The following TUB variants were observed in gnomAD, a reference collection of about 807,000 sequenced individuals.
TUB encodes TUB bipartite transcription factor, also known as tubby protein homolog.
A neutral mutation model predicts 59.7 loss-of-function variants in TUB; 33 were observed. The ratio of observed to expected loss-of-function variants is 0.55; its 90% CI spans 0.42 to 0.74. The LOEUF (loss-of-function observed/expected upper bound fraction) is 0.74. TUB is among the 30% of genes least tolerant of loss of function. The pLI is 0.00. For synonymous variants in TUB, 293 were observed against 256.4 expected (o/e 1.14, Z -1.36); for missense variants, 659 against 672.0 (o/e 0.98, Z 0.21).
At chr11:8,035,367 A>G (rs1217139429), upstream of TUB, 1 of 152,190 alleles carries the variant, frequency 6.6e-6, no homozygotes, top group Non-Finnish European at 1.5e-5. Context: ...TTTTTGGCAA[A>G]TCTTTAAATT....
At chr11:8,034,505 G>A (rs1360349911), upstream of TUB, among the ~76,000 whole-genome samples, 2 of 152,202 alleles carry the variant, frequency 1.3e-5, no homozygotes, top group Non-Finnish European at 2.9e-5. Context: ...TGACATGCAG[G>A]TGCGATTTCC....
chr11:8,083,708 C>T (rs1943613793), intron 1 of TUB, among the ~76,000 whole-genome samples: 1 of 152,174 alleles, frequency 6.6e-6, no homozygotes, highest in South Asian at 2.1e-4. Flanking sequence ...CGTCTCAACA[C>T]CCTTATAGCC....
At chr11:8,027,071 C>T (rs1942509544) in intron 1 of TUB, among the ~76,000 whole-genome samples, 2 of 151,998 alleles carry the variant, frequency 1.3e-5, no homozygotes, top group Non-Finnish European at 2.9e-5. Context: ...TTTTTCATTC[C>T]TAGTGTATAG....
intron 2 of TUB, among the ~76,000 whole-genome samples, chr11:8,065,737 T>A (rs1943227281): frequency 6.6e-6 from 1 of 152,126 alleles, no homozygotes; most frequent in Non-Finnish European, 1.5e-5. Flanking sequence ...CAGCTCTGCT[T>A]CAGGGTTTAT....
chr11:8,053,315 A>G (rs1406535684), intron 2 of TUB, among the ~76,000 whole-genome samples: 1 of 152,174 alleles, frequency 6.6e-6, no homozygotes, highest in Non-Finnish European at 1.5e-5. Context: ...AGAATGCTAA[A>G]TATATTTTTA....
chr11:8,060,701 C>A (rs886715310), intron 2 of TUB, among the ~76,000 whole-genome samples: 3 of 152,168 alleles, frequency 2.0e-5, no homozygotes, highest in Admixed American at 2.0e-4. Context: ...GAGCCACTTG[C>A]ATTTATGTTT....
intron 2 of TUB, among the ~76,000 whole-genome samples, chr11:8,054,444 T>TGGAGAG (rs1389919695): frequency 1.8e-4 from 28 of 151,602 alleles, no homozygotes; most frequent in Middle Eastern, 3.4e-3. Context: ...GGGCAAGGGC[T>TGGAGAG]GGAGAGAGAG....
chr11:8,037,697 T>C (rs142713991), upstream of TUB, among the ~76,000 whole-genome samples: 12 of 152,222 alleles, frequency 7.9e-5, no homozygotes, highest in East Asian at 2.3e-3. Flanking sequence ...GGTGATGTTG[T>C]CATTAGGAGT....
chr11:8,034,410 T>C (rs1487312698), upstream of TUB, among the ~76,000 whole-genome samples: 1 of 152,120 alleles, frequency 6.6e-6, no homozygotes, highest in East Asian at 1.9e-4. Context: ...GCCCATTGTG[T>C]TGGCAGAGTC....
upstream of TUB, among the ~76,000 whole-genome samples, chr11:8,037,990 G>A (rs996740372): frequency 1.3e-5 from 2 of 152,184 alleles, no homozygotes; most frequent in African/African-American, 2.4e-5. Context: ...ATAGAATTGA[G>A]AGATGCTCAG....
intron 2 of TUB, chr11:8,039,757 G>C (rs978865877): frequency 5.8e-6 from 8 of 1,378,942 alleles, no homozygotes; most frequent in Admixed American, 3.0e-5. Context: ...GACTGTGAGG[G>C]AGGTGGGCGG....
chr11:8,062,516 CGTGTGT>C (rs34497745), intron 2 of TUB, among the ~76,000 whole-genome samples: 41 of 149,632 alleles, frequency 2.7e-4, no homozygotes, highest in Non-Finnish European at 3.6e-4. Flanking sequence ...GGTTTGTGTG[CGTGTGT>C]GTGTGTGTGT....
At chr11:8,079,647 CATGT>C (rs1324743759), upstream of TUB, among the ~76,000 whole-genome samples, 1 of 146,130 alleles carries the variant, frequency 6.8e-6, no homozygotes, top group African/African-American at 2.5e-5. Context: ...AGAGAGAGGC[CATGT>C]GTGTGTGCAT....
At chr11:8,019,465 A>G in intron 1 of TUB, 3 of 1,158,756 alleles carry the variant, frequency 2.6e-6, no homozygotes, top group Non-Finnish European at 2.2e-6. Context: ...CCCGACCCCC[A>G]GGGTGGGCTT....
Position 8,081,211 on chromosome 11 carries a change from A to T in TUB, c.-300A>T, listed in dbSNP as rs940891258. On this transcript the variant is annotated 5_prime_UTR_variant, in exon 1 of 12. Transcript: ENST00000299506. ...GGGCAGGCCGCCGCTGCCACGCAGT[A>T]CTCCCGCCTTGGCGCCAGAGGGGCG... Among the ~76,000 whole-genome samples, 9 of 150,718 alleles carry T rather than the reference A, an allele frequency of 6.0e-5. No homozygotes were observed. Among genetic ancestry groups the T allele is most frequent in the African/African-American group, 1.9e-4 (8 of 41,116 alleles).
chr11:8,045,181 T>G (rs1465725125), intron 2 of TUB, among the ~76,000 whole-genome samples: 5 of 152,122 alleles, frequency 3.3e-5, no homozygotes, highest in African/African-American at 4.8e-5. Flanking sequence ...ATCATTAAGC[T>G]ATCTAGGAGC....
chr11:8,071,374 T>C (rs935132180), intron 2 of TUB, among the ~76,000 whole-genome samples: 1 of 152,142 alleles, frequency 6.6e-6, no homozygotes, highest in African/African-American at 2.4e-5. Context: ...GCTCTAGTGA[T>C]GTTGGGTGCC....
intron 2 of TUB, among the ~76,000 whole-genome samples, chr11:8,049,614 CAT>C (rs1321869607): frequency 7.1e-6 from 1 of 141,270 alleles, no homozygotes; most frequent in Non-Finnish European, 1.5e-5. Flanking sequence ...TACACACACA[CAT>C]ACATATAAAA....
At chr11:8,045,552 C>T (rs149632736) in intron 2 of TUB, among the ~76,000 whole-genome samples, 5 of 152,160 alleles carry the variant, frequency 3.3e-5, no homozygotes, top group South Asian at 2.1e-4. Context: ...AAACCTGAAA[C>T]GCTCCAAAAT....
Sources: gnomAD v4.1 joint callset for allele counts (sites outside exome capture counted in the v4.1 genomes callset) on GRCh38, gnomAD v4.1.1 for gene constraint, MANE v1.5 for transcripts, NCBI Gene and HGNC (gene_info 2026-07-23, HGNC 2026-07-21) for gene names.